Variants in WIPF2 observed in about 807,000 individuals in gnomAD.
WIPF2 encodes WAS/WASL interacting protein family member 2.
Under a neutral mutation model 38.8 loss-of-function variants are expected in WIPF2, and 23 were observed. The ratio of observed to expected loss-of-function variants is 0.59; its 90% CI spans 0.43 to 0.84. The LOEUF is 0.84. WIPF2 is among the 40% of genes least tolerant of loss of function. WIPF2 has a pLI of 0.00. For missense variants in WIPF2, 574 were observed against 580.5 expected (o/e 0.99, Z 0.11); for synonymous variants, 210 against 223.2 (o/e 0.94, Z 0.53).
At chr17:40,266,116 G>A (rs1172865782) in intron 5 of WIPF2, among the ~76,000 whole-genome samples, 1 of 151,466 alleles carries the variant, frequency 6.6e-6, no homozygotes. Flanking sequence ...AGTGAATATA[G>A]ATAAGAAGAG....
chr17:40,228,853 C>G (rs9906409), intron 1 of WIPF2, among the ~76,000 whole-genome samples: 19,164 of 151,692 alleles, frequency 0.13, 1,336 homozygotes, highest in East Asian at 0.3. Context: ...CGGGCTTAAG[C>G]AGTCCTCCTA....
intron 1 of WIPF2, among the ~76,000 whole-genome samples, chr17:40,252,824 C>T (rs1215416300): frequency 6.6e-6 from 1 of 150,444 alleles, no homozygotes; most frequent in Admixed American, 6.6e-5. Context: ...AGTACAATGG[C>T]GCGATCTCGG....
In WIPF2 at chr17:40,280,812, A is replaced by C. The variant is rs1404489644; in HGVS notation, c.*2587A>C. On this transcript the variant is annotated 3_prime_UTR_variant, in exon 8 of 8. Transcript: ENST00000323571. ...ACTGTGTCACATGGGTATTGATTGT[A>C]TACTTGTTGTCTTGGCCTCATGCAA... is the stretch of plus-strand genomic sequence containing the variant. 1.3e-5 allele frequency: 2 copies of C among 152,544 alleles called. No individual in the cohort carries two copies. The highest frequency in any genetic ancestry group is 4.8e-5 in the African/African-American group (2 of 41,404). 9.4% of individuals were successfully genotyped at this position (152,544 alleles called of 1,614,324 possible). A position where few individuals can be genotyped will look rare whatever the true frequency, so the allele number is the denominator to read the frequency against.
intron 2 of WIPF2, among the ~76,000 whole-genome samples, chr17:40,259,473 A>G (rs1310380355): frequency 6.6e-6 from 1 of 151,620 alleles, no homozygotes; most frequent in African/African-American, 2.4e-5. Context: ...AAAAGCAATC[A>G]GAGGGTGGAA....
chr17:40,270,907 A>ATG (rs1290955676), intron 5 of WIPF2, among the ~76,000 whole-genome samples: 1 of 125,392 alleles, frequency 8.0e-6, no homozygotes, highest in Non-Finnish European at 1.7e-5. Context: ...TGTGTATGTT[A>ATG]TTCTATTACT....
At chr17:40,260,827 C>T (rs544249420) in intron 3 of WIPF2, 160 bp downstream of exon 3, 1 of 982,462 alleles carries the variant, frequency 1.0e-6, no homozygotes, top group African/African-American at 1.6e-5. Flanking sequence ...TTAGAAGTTT[C>T]TTCTTGACTC....
At chr17:40,238,389 T>C (rs2031061400) in intron 1 of WIPF2, among the ~76,000 whole-genome samples, 1 of 151,400 alleles carries the variant, frequency 6.6e-6, no homozygotes, top group Admixed American at 6.6e-5. Flanking sequence ...CTGCAACATC[T>C]GCCTCCCCAG....
intron 5 of WIPF2, 129 bp downstream of exon 5, chr17:40,265,275 A>G: frequency 8.4e-7 from 1 of 1,189,332 alleles, no homozygotes; most frequent in Non-Finnish European, 1.2e-6. Flanking sequence ...TTTATGTGTC[A>G]GGTCTGTTGG....
rs1242068252 is a variant in WIPF2, at chr17:40,256,409, G to T, written c.-51G>T. The T allele has an allele frequency of 6.3e-7, 1 of 1,584,254 alleles. No individual in the cohort carries two copies. The highest frequency in any genetic ancestry group is 1.4e-5 in the African/African-American group (1 of 73,006). On this transcript the variant is annotated 5_prime_UTR_variant, in exon 2 of 8. In the 5' UTR this introduces an upstream ATG that the reference lacks. Coordinates refer to ENST00000323571, the MANE Select transcript of WIPF2 (RefSeq NM_133264.5). ...TTTGCAGGTATATGAATGACCTAAA[G>T]GTACAAATAAAGACGGAGAGAGAAC...
chr17:40,283,349 A>G lies in WIPF2; in HGVS notation c.*5124A>G, dbSNP rs1281902680. 6.6e-6 allele frequency: 1 copy of G among 151,550 alleles called. No homozygotes were observed. Among genetic ancestry groups the G allele is most frequent in the Non-Finnish European group, 1.5e-5 (1 of 68,068 alleles). The allele number at this position is 151,550 out of a possible 1,614,324, so 9.4% of individuals were successfully genotyped here. ...AGCCTCCAACTCTCAAGCTCAAGTGATCCTCCCACCTCAGCCTCCCGTGTA... is the reference window on the plus strand; with the variant it reads ...AGCCTCCAACTCTCAAGCTCAAGTGGTCCTCCCACCTCAGCCTCCCGTGTA... On this transcript the variant is annotated 3_prime_UTR_variant, in exon 8 of 8. Coordinates refer to ENST00000323571, the MANE Select transcript of WIPF2 (RefSeq NM_133264.5).
At position 40,277,140 on chromosome 17, in the gene WIPF2, A is replaced by G. The variant is rs1340611615; in HGVS notation, c.1238A>G (p.Glu413Gly). ...HPVEDFPAPE[E>G]YKHFQRIYPS... ...GTAGAAGACTTTCCTGCTCCAGAAGAATATAAACACTTTCAGAGGATATAT... is the reference window on the plus strand; with the variant it reads ...GTAGAAGACTTTCCTGCTCCAGAAGGATATAAACACTTTCAGAGGATATAT... The change falls in exon 7 of 8, where the codon GAA (glutamate) becomes GGA (glycine). Residue 413 changes from glutamate (E) to glycine (G), a missense_variant. Physicochemically the swap from Glu to Gly is moderately conservative, Grantham distance 98. Coordinates refer to ENST00000323571, the MANE Select transcript of WIPF2 (RefSeq NM_133264.5). 1 of 1,613,588 alleles carries G rather than the reference A, an allele frequency of 6.2e-7. No homozygotes were observed. The highest frequency in any genetic ancestry group is 8.5e-7 in the Non-Finnish European group (1 of 1,179,846).
chr17:40,247,911 G>A (rs1022486594), intron 1 of WIPF2, among the ~76,000 whole-genome samples: 4 of 152,110 alleles, frequency 2.6e-5, no homozygotes, highest in Non-Finnish European at 5.9e-5. Context: ...AATTGCTGTC[G>A]AATTTAGAAT....
intron 1 of WIPF2, among the ~76,000 whole-genome samples, chr17:40,247,376 G>A (rs1315245927): frequency 1.3e-5 from 2 of 151,190 alleles, no homozygotes; most frequent in African/African-American, 4.9e-5. Context: ...GTGCCACCAA[G>A]CCTGGCTAAT....
chr17:40,258,205 C>G (rs2031791734), intron 2 of WIPF2, among the ~76,000 whole-genome samples: 1 of 152,056 alleles, frequency 6.6e-6, no homozygotes, highest in South Asian at 2.1e-4. Context: ...TGAGACCAGC[C>G]TGGCCAACAT....
intron 1 of WIPF2, among the ~76,000 whole-genome samples, chr17:40,253,928 T>C (rs1186025415): frequency 6.6e-6 from 1 of 152,176 alleles, no homozygotes; most frequent in African/African-American, 2.4e-5. Flanking sequence ...GAGAGAAGTA[T>C]TAAATTACTG....
chr17:40,245,963 G>A (rs1483343622), intron 1 of WIPF2, among the ~76,000 whole-genome samples: 4 of 152,054 alleles, frequency 2.6e-5, no homozygotes, highest in Non-Finnish European at 4.4e-5. Context: ...GTATAGCCTT[G>A]TGTTTCTTTC....
At chr17:40,270,188 ACC>A (rs761369230) in intron 5 of WIPF2, among the ~76,000 whole-genome samples, 2 of 150,330 alleles carry the variant, frequency 1.3e-5, no homozygotes, top group Non-Finnish European at 3.0e-5. Context: ...ACACGGTGAA[ACC>A]CTGTCTCTCT....
At chr17:40,269,304 A>T (rs2032180195) in intron 5 of WIPF2, among the ~76,000 whole-genome samples, 1 of 152,068 alleles carries the variant, frequency 6.6e-6, no homozygotes, top group Non-Finnish European at 1.5e-5. Context: ...TGGGTGACTG[A>T]GCGAGACTCT....
intron 1 of WIPF2, among the ~76,000 whole-genome samples, chr17:40,225,556 A>G (rs747037450): frequency 3.4e-4 from 52 of 152,214 alleles, no homozygotes; most frequent in Non-Finnish European, 6.8e-4. Context: ...TGGAATGGCT[A>G]TCCAACAATG....
Sources: gnomAD v4.1 joint callset for allele counts (sites outside exome capture counted in the v4.1 genomes callset) on GRCh38, gnomAD v4.1.1 for gene constraint, MANE v1.5 for transcripts, NCBI Gene and HGNC (gene_info 2026-07-23, HGNC 2026-07-21) for gene names.